Variants in CAMSAP1 observed in about 807,000 individuals in gnomAD.
CAMSAP1 encodes calmodulin-regulated spectrin-associated protein 1.
Under a neutral mutation model 143.5 loss-of-function variants are expected in CAMSAP1, and 58 were observed. The observed-to-expected ratio is 0.40, with a 90% CI of 0.33 to 0.50. The LOEUF (loss-of-function observed/expected upper bound fraction) is 0.50. Ranked by LOEUF, CAMSAP1 falls within the 20% of genes least tolerant of loss-of-function variation. The pLI, the probability that CAMSAP1 is intolerant of heterozygous loss-of-function variation, is 0.45. For synonymous variants in CAMSAP1, 945 were observed against 859.3 expected (o/e 1.10, Z -1.74); for missense variants, 1,969 against 2,115.7 (o/e 0.93, Z 1.36).
At chr9:135,886,894 C>T (rs1269668642) in intron 1 of CAMSAP1, among the ~76,000 whole-genome samples, 1 of 152,204 alleles carries the variant, frequency 6.6e-6, no homozygotes, top group Non-Finnish European at 1.5e-5. Context: ...ACTTATAATT[C>T]CTGCCAGCCT....
chr9:135,867,719 G>T (rs533171460), intron 3 of CAMSAP1, among the ~76,000 whole-genome samples: 5 of 152,296 alleles, frequency 3.3e-5, no homozygotes, highest in Admixed American at 3.3e-4. Flanking sequence ...TCAAACATTT[G>T]CTTGTAACTC....
At chr9:135,823,852 G>A in intron 10 of CAMSAP1, 98 bp downstream of exon 10, 2 of 895,370 alleles carry the variant, frequency 2.2e-6, no homozygotes, top group Non-Finnish European at 3.6e-6. Context: ...CTATAAAAGG[G>A]TCTCGGTGAT....
intron 1 of CAMSAP1, among the ~76,000 whole-genome samples, chr9:135,903,277 G>A (rs184018106): frequency 1.5e-4 from 23 of 152,362 alleles, no homozygotes; most frequent in African/African-American, 5.5e-4. Context: ...GTCAGGTTCT[G>A]CACCTTCTTA....
In CAMSAP1 at chr9:135,890,093, C is replaced by G. The variant is rs114201898; in HGVS notation, c.161-7015G>C. On this transcript the variant is annotated intron_variant, in intron 1 of 16. Coordinates refer to ENST00000389532, the MANE Select transcript of CAMSAP1 (RefSeq NM_015447.4). ...CAGGCACGGTGGACCCTGTGCTAGG[C>G]CAGTAAGCCCCCGTGGCAGACACAG... is the stretch of plus-strand genomic sequence containing the variant. 6.4e-3 allele frequency among the ~76,000 whole-genome samples: 970 copies of G among 152,218 alleles called. 5 individuals are homozygous for G. The highest frequency in any genetic ancestry group is 0.022 in the African/African-American group (897 of 41,526).
chr9:135,815,892 G>C lies in CAMSAP1; in HGVS notation c.4385C>G (p.Thr1462Arg). 6.2e-7 allele frequency: 1 copy of C among 1,613,264 alleles called. No homozygotes were observed. The highest frequency in any genetic ancestry group is 8.5e-7 in the Non-Finnish European group (1 of 1,179,564). ...CTAAGGAGGGCGAACGCCGTCACCT[G>C]TGTACTCGGCCACTGAGGCCAGGGA... Reference protein sequence around the residue: ...ASSLASVAEYTGPKLFKEPSS... With the variant: ...ASSLASVAEYRGPKLFKEPSS... The change falls in exon 15 of 17, where the codon ACA becomes AGA. Residue 1462 changes from threonine to arginine, a missense_variant and splice_region_variant. This residue lies in a region of CAMSAP1 where 143 missense variants were observed against 200.6 expected (regional missense o/e 0.71). Transcript: ENST00000389532.
chr9:135,869,994 G>A (rs1299883657), intron 3 of CAMSAP1, among the ~76,000 whole-genome samples: 1 of 152,190 alleles, frequency 6.6e-6, no homozygotes, highest in Non-Finnish European at 1.5e-5. Flanking sequence ...TGGATACAGA[G>A]TAGACTGCTA....
At position 135,862,266 on chromosome 9, in the gene CAMSAP1, G is replaced by GT. The variant is rs577649676; in HGVS notation, c.808+200dup. Among the ~76,000 whole-genome samples the GT allele has an allele frequency of 8.0e-4, 121 of 150,838 alleles. 1 individual carries two copies. Among genetic ancestry groups the GT allele is most frequent in the African/African-American group, 2.8e-3 (115 of 41,120 alleles). ...CACACCCAGCTAATTTCAAAGTGCA[G>GT]TTTTGTCATCAGATAAAATGCAGGT... On this transcript the variant is annotated intron_variant, in intron 5 of 16. Transcript: ENST00000389532.
At chr9:135,893,338 A>G (rs1308003162) in intron 1 of CAMSAP1, among the ~76,000 whole-genome samples, 1 of 151,904 alleles carries the variant, frequency 6.6e-6, no homozygotes, top group Admixed American at 6.5e-5. Flanking sequence ...GGAAAAAACA[A>G]AAAAGAAAAA....
chr9:135,857,292 T>G (rs1381848185), intron 5 of CAMSAP1, among the ~76,000 whole-genome samples: 2 of 152,224 alleles, frequency 1.3e-5, no homozygotes, highest in Non-Finnish European at 2.9e-5. Context: ...CTTTTTTCCC[T>G]TATTTCCCAT....
rs774738963 is a variant in CAMSAP1, at chr9:135,808,755, G to A, written c.*2554C>T. 7 of 152,184 alleles carry A rather than the reference G, an allele frequency of 4.6e-5. No homozygotes were observed. Among genetic ancestry groups the A allele is most frequent in the Non-Finnish European group, 1.0e-4 (7 of 68,038 alleles). 9.4% of individuals were successfully genotyped at this position (152,184 alleles called of 1,614,324 possible). On this transcript the variant is annotated 3_prime_UTR_variant, in exon 17 of 17. Coordinates refer to ENST00000389532, the MANE Select transcript of CAMSAP1 (RefSeq NM_015447.4). The stretch of plus-strand genomic sequence containing the variant: ...GTGCACGCACACGTGTGGGTAGAAC[G>A]TATCTGCACATACATGCGTAAAATA...
intron 7 of CAMSAP1, chr9:135,836,135 A>G: frequency 1.0e-6 from 1 of 985,448 alleles, no homozygotes; most frequent in Non-Finnish European, 1.2e-6. Context: ...TTCCTGCCCA[A>G]AAGCACCCAG....
chr9:135,906,281 G>C (rs920713294), intron 1 of CAMSAP1, among the ~76,000 whole-genome samples: 1 of 152,192 alleles, frequency 6.6e-6, no homozygotes, highest in Non-Finnish European at 1.5e-5. Context: ...AATGAAAAGA[G>C]GATTGCAGAA....
rs2130940310 is a variant in CAMSAP1, at chr9:135,865,241, C to A, written c.666+1215G>T. The A allele has an allele frequency of 6.4e-6, 8 of 1,259,482 alleles. No individual in the cohort carries two copies. The South Asian group carries it at 9.1e-5, about 14-fold the overall frequency. 78.0% of individuals were successfully genotyped at this position (1,259,482 alleles called of 1,614,324 possible). A position where few individuals can be genotyped will look rare whatever the true frequency, so the allele number is the denominator to read the frequency against. On this transcript the variant is annotated intron_variant, in intron 4 of 16. Transcript: ENST00000389532. ...CATTTAAACAACAACAACAAAAAAA[C>A]AGTTTTGGGTGCGAGCAGTTTTTAA...
Position 135,815,158 on chromosome 9 carries a change from G to A in CAMSAP1, c.4445C>T (p.Ala1482Val). ...TCCAGCCAGGCAGCAATGGGATATGGCATTGTGAATAATCGGCTTGTTTGA... is the reference window on the plus strand; with the variant it reads ...TCCAGCCAGGCAGCAATGGGATATGACATTGTGAATAATCGGCTTGTTTGA... ...SKSNKPIIHN[A>V]ISHCCLAGKV... The change falls in exon 16 of 17, where the codon GCC becomes GTC. Residue 1482 changes from alanine (A) to valine (V), a missense_variant. Physicochemically the swap from Ala to Val is moderately conservative, Grantham distance 64. Transcript: ENST00000389532. The A allele has an allele frequency of 6.2e-7, 1 of 1,613,900 alleles. No individual in the cohort carries two copies. Among genetic ancestry groups the A allele is most frequent in the Non-Finnish European group, 8.5e-7 (1 of 1,179,858 alleles).
chr9:135,871,184 T>G (rs1287772344), intron 3 of CAMSAP1, among the ~76,000 whole-genome samples: 1 of 152,204 alleles, frequency 6.6e-6, no homozygotes, highest in Admixed American at 6.5e-5. Context: ...AACTGCCATC[T>G]TCCTTATTTA....
chr9:135,862,412 A>G (rs759546246), intron 5 of CAMSAP1, 55 bp downstream of exon 5: 8 of 1,534,448 alleles, frequency 5.2e-6, no homozygotes, highest in Admixed American at 2.0e-5. Context: ...AATGTACACT[A>G]TAATTTTCCT....
At chr9:135,880,098 T>C (rs1043789850) in intron 3 of CAMSAP1, among the ~76,000 whole-genome samples, 9 of 152,196 alleles carry the variant, frequency 5.9e-5, no homozygotes. Flanking sequence ...TCTATAACTA[T>C]GTCATTTCTA....
intron 3 of CAMSAP1, among the ~76,000 whole-genome samples, chr9:135,876,262 T>C (rs1236402494): frequency 6.6e-6 from 1 of 152,194 alleles, no homozygotes; most frequent in East Asian, 1.9e-4. Flanking sequence ...CAACCTTTGC[T>C]TTTTGACAGA....
chr9:135,855,748 TAAA>T (rs34874470), intron 5 of CAMSAP1, among the ~76,000 whole-genome samples: 1 of 84,676 alleles, frequency 1.2e-5, no homozygotes, highest in Admixed American at 1.3e-4. Flanking sequence ...CATCTCAATT[TAAA>T]AAAAAAAAAA....
Sources: gnomAD v4.1 joint callset for allele counts (sites outside exome capture counted in the v4.1 genomes callset) on GRCh38, gnomAD v4.1.1 for gene constraint, gnomAD v4.1.1 regional missense constraint, MANE v1.5 for transcripts, NCBI Gene and HGNC (gene_info 2026-07-23, HGNC 2026-07-21) for gene names.